The following USP32 variants were observed in gnomAD, a reference collection of about 807,000 sequenced individuals.
USP32 encodes ubiquitin specific peptidase 32, also known as ubiquitin carboxyl-terminal hydrolase 32.
Under a neutral mutation model 204.8 loss-of-function variants are expected in USP32, and 59 were observed. That is an observed-to-expected ratio of 0.29 (90% CI 0.23 to 0.36). The LOEUF (loss-of-function observed/expected upper bound fraction) is 0.36, where lower values mean the gene tolerates loss of function less well. Among genes scored for constraint, USP32 ranks in the 10% least tolerant of loss-of-function variants. The probability of loss-of-function intolerance (pLI) is 1.00; values close to 1 mark genes in which losing one functional copy is unlikely to be tolerated. For synonymous variants in USP32, 517 were observed against 678.4 expected (o/e 0.76, Z 3.70); for missense variants, 1,160 against 1,946.4 (o/e 0.60, Z 7.60).
intron 1 of USP32, among the ~76,000 whole-genome samples, chr17:60,356,262 C>CA (rs1168684496): frequency 6.6e-6 from 1 of 151,968 alleles, no homozygotes; most frequent in Admixed American, 6.6e-5. Flanking sequence ...AGAGGTTAAC[C>CA]AAAAAACATG....
At chr17:60,382,495 A>G (rs2146117341) in intron 1 of USP32, among the ~76,000 whole-genome samples, 1 of 152,316 alleles carries the variant, frequency 6.6e-6, no homozygotes, top group African/African-American at 2.4e-5. Flanking sequence ...AATAAAAACA[A>G]AAACAAAAGA....
chr17:60,379,837 C>G (rs1212634047), intron 1 of USP32, among the ~76,000 whole-genome samples: 1 of 152,194 alleles, frequency 6.6e-6, no homozygotes. Flanking sequence ...CACAATCATA[C>G]AGACACACCA....
rs749230927 is a variant in USP32 at position 60,391,984 on chromosome 17, C to T, written c.-45G>A. 4.4e-6 allele frequency: 7 copies of T among 1,585,196 alleles called. No homozygotes were observed. Among genetic ancestry groups the T allele is most frequent in the Non-Finnish European group, 6.0e-6 (7 of 1,165,612 alleles). On this transcript the variant is annotated 5_prime_UTR_variant, in exon 1 of 34. Transcript: ENST00000300896. The stretch of plus-strand genomic sequence containing the variant: ...CGGGGGGTCGGAGCCTGATCTCGCC[C>T]CCACCCCCCTCCCGCCTTCTCCTCG...
intron 1 of USP32, among the ~76,000 whole-genome samples, chr17:60,419,468 G>A (rs2090088425): frequency 6.6e-6 from 1 of 152,148 alleles, no homozygotes; most frequent in African/African-American, 2.4e-5. Context: ...TGGGCACGGT[G>A]GCTCATGCCT....
chr17:60,208,253 C>T (rs753839181), intron 23 of USP32, 43 bp from the exon 24 acceptor site: 107 of 1,544,082 alleles, frequency 6.9e-5, no homozygotes, highest in Non-Finnish European at 9.0e-5. Flanking sequence ...ATGCAGGTTT[C>T]ATTGAAAGTC....
chr17:60,255,298 CTTTTTTTT>C (rs747340163), intron 9 of USP32, 40 bp from the exon 10 acceptor site: 13 of 1,101,228 alleles, frequency 1.2e-5, no homozygotes, highest in Non-Finnish European at 1.4e-5. Flanking sequence ...TCTTTTTTTT[CTTTTTTTT>C]TTTTTTTTTG....
chr17:60,226,180 AT>A lies in USP32; in HGVS notation c.1290del (p.Lys430AsnfsTer25). On this transcript the variant is annotated frameshift_variant, in exon 13 of 34. Transcript: ENST00000300896. LOFTEE classifies it high-confidence loss of function. ...GGATGGGCTGCAGTTCCAAATGAGT[AT>A]TTTCCTCCATTCAAAACAGATGATG... is the stretch of plus-strand genomic sequence containing the variant. Reference protein sequence around the residue: ...IEPSSVLNGGKYSFGTAAHPM... With the variant: ...IEPSSVLNGGXYSFGTAAHPM... The A allele has an allele frequency of 6.3e-7, 1 of 1,587,218 alleles. No individual in the cohort carries two copies. The highest frequency in any genetic ancestry group is 1.2e-5 in the South Asian group (1 of 85,228).
chr17:60,392,698 A>G (rs2089863539), upstream of USP32: 3 of 434,126 alleles, frequency 6.9e-6, no homozygotes, highest in Non-Finnish European at 1.4e-5. Context: ...GGCGTTGTGA[A>G]AGGAAAGGAG....
chr17:60,208,533 A>G, intron 23 of USP32, 121 bp downstream of exon 23: 1 of 1,346,222 alleles, frequency 7.4e-7, no homozygotes, highest in Non-Finnish European at 9.6e-7. Context: ...AGGTTGCTCA[A>G]TTATAATATG....
intron 1 of USP32, among the ~76,000 whole-genome samples, chr17:60,380,393 C>A (rs2146111895): frequency 6.6e-6 from 1 of 152,108 alleles, no homozygotes; most frequent in East Asian, 1.9e-4. Flanking sequence ...ATAGCAAAAC[C>A]CCGTCTCTAC....
At chr17:60,209,764 C>T (rs1014059069) in intron 21 of USP32, among the ~76,000 whole-genome samples, 2 of 152,132 alleles carry the variant, frequency 1.3e-5, no homozygotes, top group Non-Finnish European at 2.9e-5. Context: ...CAATACTGTG[C>T]AATACTGTGT....
At chr17:60,279,110 G>C (rs1170362805) in intron 5 of USP32, among the ~76,000 whole-genome samples, 1 of 152,130 alleles carries the variant, frequency 6.6e-6, no homozygotes, top group Non-Finnish European at 1.5e-5. Context: ...CAAGCTTTCT[G>C]ACTCAACATC....
At chr17:60,266,162 T>G (rs1454608802) in intron 7 of USP32, 71 bp from the exon 8 acceptor site, 3 of 1,248,462 alleles carry the variant, frequency 2.4e-6, no homozygotes, top group Non-Finnish European at 2.3e-6. Flanking sequence ...TTACTAGAAG[T>G]TGCCCTTGTA....
At chr17:60,382,125 G>C (rs2089656284) in intron 1 of USP32, among the ~76,000 whole-genome samples, 1 of 152,216 alleles carries the variant, frequency 6.6e-6, no homozygotes, top group Non-Finnish European at 1.5e-5. Context: ...AGTGAGATAA[G>C]CTCACCGGCA....
chr17:60,375,941 A>G (rs1418122495), intron 1 of USP32, among the ~76,000 whole-genome samples: 1 of 152,250 alleles, frequency 6.6e-6, no homozygotes, highest in Non-Finnish European at 1.5e-5. Context: ...TTGGAAAGAC[A>G]GAAAAATTTG....
intron 1 of USP32, among the ~76,000 whole-genome samples, chr17:60,370,532 G>A (rs937954035): frequency 3.3e-5 from 5 of 151,694 alleles, no homozygotes; most frequent in Non-Finnish European, 7.4e-5. Flanking sequence ...AGGCCGAGGC[G>A]GGAGGATCAC....
chr17:60,256,233 A>G (rs1164779468), intron 9 of USP32, among the ~76,000 whole-genome samples: 3 of 152,172 alleles, frequency 2.0e-5, no homozygotes, highest in Non-Finnish European at 4.4e-5. Context: ...GAAATAAGCT[A>G]AAGGGAAAGG....
chr17:60,342,257 G>A (rs1473117998), intron 2 of USP32, among the ~76,000 whole-genome samples: 1 of 152,146 alleles, frequency 6.6e-6, no homozygotes, highest in Non-Finnish European at 1.5e-5. Flanking sequence ...AGCAAATATT[G>A]CAGAACAGCA....
intron 1 of USP32, among the ~76,000 whole-genome samples, chr17:60,419,415 C>T (rs1222388581): frequency 1.3e-5 from 2 of 152,074 alleles, no homozygotes; most frequent in Non-Finnish European, 2.9e-5. Context: ...CTAATGGGTA[C>T]TAGGCTTAAT....
Sources: allele counts gnomAD v4.1 joint callset (sites outside exome capture counted in the v4.1 genomes callset), GRCh38; gene constraint gnomAD v4.1.1; transcripts MANE v1.5; gene names NCBI Gene and HGNC (gene_info 2026-07-23, HGNC 2026-07-21).